Variants in KCNMB2 observed in about 807,000 individuals in gnomAD.
The protein encoded by KCNMB2 is potassium calcium-activated channel subfamily M regulatory beta subunit 2.
In KCNMB2, 9 loss-of-function variants were observed where a neutral mutation model predicts 24.5. The observed-to-expected ratio is 0.37, with a 90% CI of 0.22 to 0.64. KCNMB2 has a LOEUF of 0.64. Among genes scored for constraint, KCNMB2 ranks in the 30% least tolerant of loss-of-function variants. The pLI, the probability that KCNMB2 is intolerant of heterozygous loss-of-function variation, is 0.63. For missense variants in KCNMB2, 226 were observed against 284.3 expected (o/e 0.79, Z 1.47); for synonymous variants, 109 against 104.4 (o/e 1.04, Z -0.27).
intron 1 of KCNMB2, among the ~76,000 whole-genome samples, chr3:178,540,383 T>G (rs192298829): frequency 3.5e-4 from 54 of 152,332 alleles, no homozygotes; most frequent in African/African-American, 9.9e-4. Context: ...ACACGTTCTA[T>G]TCTCTACCCA....
chr3:178,731,690 G>A (rs1331751153), intron 1 of KCNMB2, among the ~76,000 whole-genome samples: 1 of 152,132 alleles, frequency 6.6e-6, no homozygotes, highest in Non-Finnish European at 1.5e-5. Flanking sequence ...GATCTCCTGA[G>A]GTCTGGAGTT....
chr3:178,841,646 C>A (rs1715432943), intron 4 of KCNMB2: 1 of 152,128 alleles, frequency 6.6e-6, no homozygotes, highest in Admixed American at 6.5e-5. Context: ...AGAGAGAGAA[C>A]ATGAGAGAAG....
chr3:178,726,134 T>C (rs1722960234), intron 1 of KCNMB2, among the ~76,000 whole-genome samples: 1 of 151,934 alleles, frequency 6.6e-6, no homozygotes, highest in Non-Finnish European at 1.5e-5. Flanking sequence ...TCTACATATA[T>C]AACTTTTCAT....
At chr3:178,747,218 T>C (rs951578800) in intron 1 of KCNMB2, 2 of 152,544 alleles carry the variant, frequency 1.3e-5, no homozygotes, top group African/African-American at 4.8e-5. Flanking sequence ...ACGTCTTACA[T>C]GGATGGCACC....
At chr3:178,835,715 T>TTTTGTTTG (rs10669225) in intron 4 of KCNMB2, among the ~76,000 whole-genome samples, 9 of 150,880 alleles carry the variant, frequency 6.0e-5, no homozygotes, top group South Asian at 2.1e-4. Flanking sequence ...CATTTTTGGT[T>TTTTGTTTG]TTTGTTTGTT....
chr3:178,586,135 G>A (rs777137991), intron 1 of KCNMB2, among the ~76,000 whole-genome samples: 1 of 152,204 alleles, frequency 6.6e-6, no homozygotes, highest in Non-Finnish European at 1.5e-5. Flanking sequence ...ACTGGGATAA[G>A]CCCATGGATG....
intron 1 of KCNMB2, among the ~76,000 whole-genome samples, chr3:178,659,360 T>C (rs1272560399): frequency 6.6e-6 from 1 of 152,222 alleles, no homozygotes; most frequent in Non-Finnish European, 1.5e-5. Flanking sequence ...TTTGTATTAA[T>C]ATTGTGAAGC....
intron 1 of KCNMB2, among the ~76,000 whole-genome samples, chr3:178,762,790 G>T (rs1193073966): frequency 6.7e-6 from 1 of 148,974 alleles, no homozygotes; most frequent in African/African-American, 2.5e-5. Flanking sequence ...GAAATTAAAA[G>T]TTATTATAAA....
chr3:178,591,866 T>C (rs1252816932), intron 1 of KCNMB2, among the ~76,000 whole-genome samples: 1 of 152,152 alleles, frequency 6.6e-6, no homozygotes, highest in Non-Finnish European at 1.5e-5. Flanking sequence ...GCCCAGCTTT[T>C]CCCTACTCCC....
chr3:178,627,956 G>A (rs111782744), intron 1 of KCNMB2, among the ~76,000 whole-genome samples: 6 of 152,238 alleles, frequency 3.9e-5, no homozygotes, highest in African/African-American at 9.6e-5. Context: ...GTAATTGTGC[G>A]GAACTGACTA....
intron 1 of KCNMB2, among the ~76,000 whole-genome samples, chr3:178,745,532 C>T (rs1221928838): frequency 1.3e-5 from 2 of 152,126 alleles, no homozygotes; most frequent in Non-Finnish European, 2.9e-5. Flanking sequence ...ATTTCATGTC[C>T]TCACATTTCA....
intron 1 of KCNMB2, among the ~76,000 whole-genome samples, chr3:178,749,972 T>C (rs779403691): frequency 6.6e-6 from 1 of 152,206 alleles, no homozygotes; most frequent in African/African-American, 2.4e-5. Context: ...CTCTTTCCCA[T>C]GGGCATGGAC....
chr3:178,549,789 C>T (rs751799934), intron 1 of KCNMB2, among the ~76,000 whole-genome samples: 1 of 152,158 alleles, frequency 6.6e-6, no homozygotes. Flanking sequence ...TGCAAACTTG[C>T]TCAAATTTCT....
intron 1 of KCNMB2, among the ~76,000 whole-genome samples, chr3:178,567,640 A>AGGAC (rs1184241019): frequency 1.5e-5 from 2 of 131,642 alleles, no homozygotes; most frequent in African/African-American, 7.9e-5. Flanking sequence ...AAAATTATAA[A>AGGAC]AGACAAACAT....
At position 178,706,124 on chromosome 3, in the gene KCNMB2, C is replaced by A. The variant is rs56952392; in HGVS notation, c.-67-101219C>A. ...CACTCCAAGACATGCACTGACAACC[C>A]ACATTTCCTGCCTTTGGTGTCAGCA... On this transcript the variant is annotated intron_variant, in intron 1 of 4. Transcript: ENST00000452583. Among the ~76,000 whole-genome samples the A allele has an allele frequency of 5.3e-5, 8 of 152,170 alleles. No homozygotes were observed. In the East Asian group the frequency reaches 1.5e-3, roughly 29 times the overall value.
chr3:178,775,301 A>C (rs925485381), intron 1 of KCNMB2, among the ~76,000 whole-genome samples: 15 of 152,156 alleles, frequency 9.9e-5, no homozygotes, highest in African/African-American at 3.1e-4. Context: ...AATCCTTCAC[A>C]TCTAGTGTGA....
chr3:178,740,418 C>A (rs147873452), intron 1 of KCNMB2, among the ~76,000 whole-genome samples: 19 of 152,226 alleles, frequency 1.2e-4, no homozygotes, highest in Middle Eastern at 3.4e-3. Context: ...CCACGCCTGG[C>A]CCCCGTAAAC....
intron 1 of KCNMB2, among the ~76,000 whole-genome samples, chr3:178,760,317 T>G (rs1711777392): frequency 3.3e-5 from 4 of 121,726 alleles, no homozygotes; most frequent in South Asian, 2.6e-4. Context: ...TATCTATATA[T>G]AGATATATAT....
chr3:178,593,042 G>T (rs1717734361), intron 1 of KCNMB2, among the ~76,000 whole-genome samples: 4 of 151,914 alleles, frequency 2.6e-5, no homozygotes. Context: ...GAGGGAAGGG[G>T]GCTCTGGTGT....
Sources: allele counts gnomAD v4.1 joint callset (sites outside exome capture counted in the v4.1 genomes callset), GRCh38; gene constraint gnomAD v4.1.1; transcripts MANE v1.5; gene names NCBI Gene and HGNC (gene_info 2026-07-23, HGNC 2026-07-21).